The following DACT2 variants were observed in gnomAD, a reference collection of about 807,000 sequenced individuals.
DACT2 encodes the protein dapper homolog 2.
DACT2 carries 20 observed loss-of-function variants against 22.2 expected under a neutral mutation model. The ratio of observed to expected loss-of-function variants is 0.90; its 90% confidence interval spans 0.63 to 1.31. The LOEUF (loss-of-function observed/expected upper bound fraction) is 1.31. Ranked by LOEUF, DACT2 falls within the 50% of genes most tolerant of loss-of-function variation. The pLI, the probability that DACT2 is intolerant of heterozygous loss-of-function variation, is 0.00. For synonymous variants in DACT2, 463 were observed against 479.8 expected, an observed-to-expected ratio of 0.96 and a Z score of 0.46; for missense variants, 1,048 against 1,061.4, an observed-to-expected ratio of 0.99 and a Z score of 0.18.
exon 6 of DACT2, chr6:168,293,688 C>T (rs929787721): frequency 1.0e-5 from 6 of 581,476 alleles, no homozygotes; most frequent in Non-Finnish European, 1.5e-5. Context: ...TTCAACTTTC[C>T]ACGTAAAGGA....
At chr6:168,301,082 AAG>A (rs1779095649) in intron 3 of DACT2, among the ~76,000 whole-genome samples, 1 of 152,218 alleles carries the variant, frequency 6.6e-6, no homozygotes, top group African/African-American at 2.4e-5. Flanking sequence ...AGCGCCATGG[AAG>A]AGTCTCCGGT....
chr6:168,298,892 AT>A (rs763769885), intron 3 of DACT2: 1 of 152,002 alleles, frequency 6.6e-6, no homozygotes, highest in Non-Finnish European at 1.5e-5. Context: ...TAGATATAAA[AT>A]ACCCACAATA....
At chr6:168,294,701 A>T in exon 4 of DACT2, 1 of 1,478,692 alleles carries the variant, frequency 6.8e-7, no homozygotes, top group African/African-American at 1.4e-5. Context: ...AGCATTGCAC[A>T]GCTCTGGTAA....
rs1779321809 is a variant in DACT2 at position 168,309,116 on chromosome 6, GAACA to G, written c.659-22_659-19del. On this transcript the variant is annotated intron_variant, in intron 3 of 3. Coordinates refer to ENST00000366795, the MANE Select transcript of DACT2 (RefSeq NM_214462.5). Reference sequence around the variant, plus strand: ...AAGATCACCTGGGAGCGAGAAAAATGAACAAACACGTAACTACGGAGACGATTTA... The same window carrying G: ...AAGATCACCTGGGAGCGAGAAAAATGAACACGTAACTACGGAGACGATTTA... 2.0e-6 allele frequency: 3 copies of G among 1,497,574 alleles called. No homozygotes were observed. The highest frequency in any genetic ancestry group is 2.7e-6 in the Non-Finnish European group (3 of 1,125,450). 92.8% of individuals were successfully genotyped at this position (1,497,574 alleles called of 1,614,324 possible).
Position 168,319,562 on chromosome 6 carries a change from C to T in DACT2, c.72G>A (p.Ala24=). The T allele has an allele frequency of 7.3e-7, 1 of 1,378,520 alleles. No homozygotes were observed. 85.4% of individuals were successfully genotyped at this position (1,378,520 alleles called of 1,614,324 possible). The stretch of plus-strand genomic sequence containing the variant: ...GCAGCTCCTGCAGCCCCGCGAACGC[C>T]GCGCGCAACCTCGCGCCCAACCTAC... ...DRRRLGARLR[A]AFAGLQELQG... Residue 24 remains alanine (A), a synonymous_variant, in exon 1 of 4, where the codon GCG becomes GCA. Transcript: ENST00000366795.
chr6:168,307,235 A>AT lies in DACT2; in HGVS notation c.*196dup. The stretch of plus-strand genomic sequence containing the variant: ...CTGGCATCTGAAACCAGAGCTCCGC[A>AT]TGGAAGTCTTTGCTGGGGCGGGGAC... On this transcript the variant is annotated 3_prime_UTR_variant, in exon 4 of 4. Transcript: ENST00000366795. This position sits in a 1 kb window ranked among gnomAD's most constrained non-coding sequence, Gnocchi z 5.3. 7.1e-7 allele frequency: 1 copy of AT among 1,417,020 alleles called. No homozygotes were observed. 87.8% of individuals were successfully genotyped at this position (1,417,020 alleles called of 1,614,324 possible).
Position 168,309,083 on chromosome 6 carries a change from GCT to G in DACT2, c.672_673del (p.Arg224SerfsTer69). 1 of 1,529,886 alleles carries G rather than the reference GCT, an allele frequency of 6.5e-7. No homozygotes were observed. The highest frequency in any genetic ancestry group is 8.8e-7 in the Non-Finnish European group (1 of 1,140,948). 94.8% of individuals were successfully genotyped at this position (1,529,886 alleles called of 1,614,324 possible). A position where few individuals can be genotyped will look rare whatever the true frequency, so the allele number is the denominator to read the frequency against. On this transcript the variant is annotated frameshift_variant, in exon 4 of 4. Coordinates refer to ENST00000366795, the MANE Select transcript of DACT2 (RefSeq NM_214462.5). LOFTEE classifies it low-confidence loss of function (END_TRUNC). ...CTGGAGCCCCGTGTCCGCCGGCAGG[GCT>G]CTGTCAAGATCACCTGGGAGCGAGA...
At chr6:168,306,608 A>ATTT (rs61347395), downstream of DACT2, among the ~76,000 whole-genome samples, 2 of 142,290 alleles carry the variant, frequency 1.4e-5, no homozygotes, top group African/African-American at 5.2e-5. Context: ...AAACCCAGCT[A>ATTT]TTTTTTTTTT....
intron 1 of DACT2, among the ~76,000 whole-genome samples, chr6:168,311,569 A>ACCCAT (rs1562498471): frequency 1.3e-4 from 8 of 62,918 alleles, no homozygotes; most frequent in Admixed American, 9.2e-4. Context: ...CTCACACACA[A>ACCCAT]ACACACACAC....
At chr6:168,309,780 G>A (rs1201881748) in intron 3 of DACT2, among the ~76,000 whole-genome samples, 2 of 152,264 alleles carry the variant, frequency 1.3e-5, no homozygotes, top group East Asian at 3.8e-4. Context: ...GAGACAGTCT[G>A]AAGACAACTA....
At chr6:168,293,429 C>T (rs958238914) in exon 6 of DACT2, 1 of 155,726 alleles carries the variant, frequency 6.4e-6, no homozygotes, top group South Asian at 2.0e-4. Flanking sequence ...CTTATGATAA[C>T]ATTGTATTTA....
intron 3 of DACT2, among the ~76,000 whole-genome samples, chr6:168,297,421 C>T (rs766225972): frequency 7.5e-4 from 114 of 152,184 alleles, no homozygotes; most frequent in Non-Finnish European, 1.2e-3. Context: ...ATAGGAGAGG[C>T]ACAGCTTGAG....
At chr6:168,306,238 C>A (rs957875829), downstream of DACT2, among the ~76,000 whole-genome samples, 2 of 152,186 alleles carry the variant, frequency 1.3e-5, no homozygotes, top group African/African-American at 4.8e-5. Context: ...GGGACTTCAA[C>A]GGCCTTCTCC....
intron 3 of DACT2, chr6:168,294,820 T>C: frequency 4.9e-6 from 2 of 405,338 alleles, no homozygotes; most frequent in Non-Finnish European, 8.5e-6. Flanking sequence ...TTTATAACAC[T>C]GGCATGCAGT....
chr6:168,311,608 TCA>T (rs1388323300), intron 1 of DACT2, among the ~76,000 whole-genome samples: 6 of 38,070 alleles, frequency 1.6e-4, no homozygotes, highest in East Asian at 2.6e-3. Flanking sequence ...ACACACACAC[TCA>T]CACAAACACA....
chr6:168,301,010 A>C (rs546204230), intron 3 of DACT2, among the ~76,000 whole-genome samples: 38 of 150,710 alleles, frequency 2.5e-4, no homozygotes, highest in African/African-American at 7.2e-4. Flanking sequence ...AACAAACAAA[A>C]AAACAAAAAA....
Position 168,316,133 on chromosome 6 carries a change from G to A in DACT2, c.246+3255C>T, listed in dbSNP as rs975163758. Among the ~76,000 whole-genome samples the A allele has an allele frequency of 1.3e-5, 2 of 152,196 alleles. 1 individual carries two copies. Among genetic ancestry groups the A allele is most frequent in the South Asian group, 4.1e-4 (2 of 4,826 alleles). On this transcript the variant is annotated intron_variant, in intron 1 of 3. Transcript: ENST00000366795. Reference sequence around the variant, plus strand: ...TCTGTTTGATCTTCTCTTCCAAAAGGCTACTTGTAATTAGAGACTGAGCGC... The same window carrying A: ...TCTGTTTGATCTTCTCTTCCAAAAGACTACTTGTAATTAGAGACTGAGCGC...
chr6:168,319,677 C>A lies in DACT2; in HGVS notation c.-44G>T. 2.5e-6 allele frequency: 3 copies of A among 1,206,526 alleles called. No individual in the cohort carries two copies. The highest frequency in any genetic ancestry group is 3.1e-6 in the Non-Finnish European group (3 of 970,406). 74.7% of individuals were successfully genotyped at this position (1,206,526 alleles called of 1,614,324 possible). ...GCCTCCCGAACCCCACGAGCGGCGC[C>A]GGAGGCCCAGCGCGCGCGGATCCCG... On this transcript the variant is annotated 5_prime_UTR_variant, in exon 1 of 4. Coordinates refer to ENST00000366795, the MANE Select transcript of DACT2 (RefSeq NM_214462.5).
chr6:168,294,817 C>T, intron 3 of DACT2: 1 of 410,616 alleles, frequency 2.4e-6, no homozygotes, highest in Non-Finnish European at 4.2e-6. Flanking sequence ...GATTTTATAA[C>T]ACTGGCATGC....
Sources: gnomAD v4.1 joint callset for allele counts (sites outside exome capture counted in the v4.1 genomes callset) on GRCh38, gnomAD v4.1.1 for gene constraint, Gnocchi (gnomAD v3.1) non-coding constraint, MANE v1.5 for transcripts, NCBI Gene and HGNC (gene_info 2026-07-23, HGNC 2026-07-21) for gene names.